Variants in PCBP3 observed in about 807,000 individuals in gnomAD.
PCBP3 encodes poly(rC)-binding protein 3.
Under a neutral mutation model 52.7 loss-of-function variants are expected in PCBP3, and 25 were observed. That is an observed-to-expected ratio of 0.47 (90% CI 0.35 to 0.66). The LOEUF (loss-of-function observed/expected upper bound fraction) is 0.66, where lower values mean the gene tolerates loss of function less well. Among genes scored for constraint, PCBP3 ranks in the 30% least tolerant of loss-of-function variants. The pLI is 0.01. For missense variants in PCBP3, 391 were observed against 490.3 expected (o/e 0.80, Z 1.91); for synonymous variants, 162 against 183.0 (o/e 0.89, Z 0.93).
At chr21:45,668,457 G>T (rs2080949523) in intron 1 of PCBP3, among the ~76,000 whole-genome samples, 1 of 151,902 alleles carries the variant, frequency 6.6e-6, no homozygotes, top group African/African-American at 2.4e-5. Context: ...CAAATAATAA[G>T]ACTTTGAAGG....
At position 45,682,280 on chromosome 21, in the gene PCBP3, G is replaced by A. The variant is rs768912290; in HGVS notation, c.-200+13328G>A. On this transcript the variant is annotated intron_variant, in intron 2 of 17. Transcript: ENST00000681687. ...TATCATGTCATTCCTTGGGTCGCAC[G>A]GTCTCTAGCTGGTCTGCCTTCCTCT... Among the ~76,000 whole-genome samples, 7 of 152,048 alleles carry A rather than the reference G, an allele frequency of 4.6e-5. No homozygotes were observed. The East Asian group carries it at 7.7e-4, about 17-fold the overall frequency.
chr21:45,646,249 G>C (rs1345682965), intron 1 of PCBP3, among the ~76,000 whole-genome samples: 1 of 151,868 alleles, frequency 6.6e-6, no homozygotes, highest in Non-Finnish European at 1.5e-5. Context: ...TATGTTGAAT[G>C]GGAGCGTGTC....
intron 5 of PCBP3, among the ~76,000 whole-genome samples, chr21:45,888,834 C>A (rs1457952951): frequency 6.6e-6 from 1 of 152,196 alleles, no homozygotes; most frequent in African/African-American, 2.4e-5. Flanking sequence ...ACCTTAAACA[C>A]ACGTGGACAG....
rs1350745596 is a variant in PCBP3 at position 45,904,822 on chromosome 21, G to A, written c.339+3709G>A. ...GTGTCTCACCCTCACACCATGTCAC[G>A]ATTGTGCTGGTGACGGATACCTGGC... On this transcript the variant is annotated intron_variant, in intron 9 of 17. Transcript: ENST00000681687. This position sits in a 1 kb window ranked among gnomAD's most constrained non-coding sequence, Gnocchi z 4.8. Among the ~76,000 whole-genome samples, 4 of 152,176 alleles carry A rather than the reference G, an allele frequency of 2.6e-5. No homozygotes were observed. The highest frequency in any genetic ancestry group is 6.5e-5 in the Admixed American group (1 of 15,288).
At chr21:45,916,080 G>A (rs1342546208) in intron 12 of PCBP3, 1 of 152,314 alleles carries the variant, frequency 6.6e-6, no homozygotes, top group Non-Finnish European at 1.5e-5. Context: ...ACATGGTCGT[G>A]AGTTAAATCA....
intron 4 of PCBP3, among the ~76,000 whole-genome samples, chr21:45,844,580 G>T (rs1484260009): frequency 6.6e-6 from 1 of 152,134 alleles, no homozygotes; most frequent in Non-Finnish European, 1.5e-5. Flanking sequence ...TGAGCACTGT[G>T]TGTTGGTGCT....
chr21:45,802,520 C>CT lies in PCBP3; in HGVS notation c.-126+47069dup, dbSNP rs1018297431. Among the ~76,000 whole-genome samples, 16 of 152,278 alleles carry CT rather than the reference C, an allele frequency of 1.1e-4. No homozygotes were observed. The highest frequency in any genetic ancestry group is 3.6e-4 in the African/African-American group (15 of 41,530). On this transcript the variant is annotated intron_variant, in intron 4 of 17. Coordinates refer to ENST00000681687, the MANE Select transcript of PCBP3 (RefSeq NM_001384156.1). The surrounding 1 kb of genome is among the most constrained non-coding windows in gnomAD (Gnocchi z 5.1). The stretch of plus-strand genomic sequence containing the variant: ...CCCAGAGGGCTCTGCAGAGACGGCT[C>CT]TGAGAGCAAAAGTGAGCCATGCTGG...
At chr21:45,663,120 C>T (rs978369335) in intron 1 of PCBP3, among the ~76,000 whole-genome samples, 24 of 151,752 alleles carry the variant, frequency 1.6e-4, no homozygotes, top group South Asian at 2.1e-4. Context: ...AGTGAAAGTA[C>T]TAAAAGTCTC....
chr21:45,693,452 A>G (rs1211894171), intron 2 of PCBP3, among the ~76,000 whole-genome samples: 1 of 152,126 alleles, frequency 6.6e-6, no homozygotes, highest in Admixed American at 6.5e-5. Flanking sequence ...CCATAAAGGA[A>G]CACAAGTAAT....
intron 2 of PCBP3, among the ~76,000 whole-genome samples, chr21:45,721,633 T>G (rs1191633117): frequency 6.6e-6 from 1 of 152,220 alleles, no homozygotes; most frequent in East Asian, 1.9e-4. Flanking sequence ...CTTATCTAAA[T>G]GTATTTGCTT....
At chr21:45,914,127 G>A (rs750296934) in intron 12 of PCBP3, 102 bp downstream of exon 12, 40 of 1,580,004 alleles carry the variant, frequency 2.5e-5, no homozygotes, top group African/African-American at 5.4e-5. Flanking sequence ...GCCTTCTCAC[G>A]TGCACGTCTC....
At chr21:45,708,588 G>C (rs1258199121) in intron 2 of PCBP3, among the ~76,000 whole-genome samples, 2 of 152,186 alleles carry the variant, frequency 1.3e-5, no homozygotes, top group African/African-American at 2.4e-5. Context: ...CAAACTTCAT[G>C]AGATAAAGAA....
chr21:45,778,577 C>T (rs572074288), intron 4 of PCBP3, among the ~76,000 whole-genome samples: 3 of 152,228 alleles, frequency 2.0e-5, no homozygotes, highest in African/African-American at 7.2e-5. Flanking sequence ...GAGGGCCAGT[C>T]GTCAGATCCA....
chr21:45,855,322 G>A (rs116738908), intron 5 of PCBP3, among the ~76,000 whole-genome samples: 1,618 of 152,230 alleles, frequency 0.011, 21 homozygotes, highest in African/African-American at 0.034. Flanking sequence ...GGAAGCCCAC[G>A]GAGAGGGCTG....
In PCBP3 at chr21:45,754,851, T is replaced by A. The variant is rs2087879122; in HGVS notation, c.-161-566T>A. Among the ~76,000 whole-genome samples the A allele has an allele frequency of 2.0e-5, 3 of 152,330 alleles. No homozygotes were observed. The South Asian group carries it at 6.2e-4, about 32-fold the overall frequency. On this transcript the variant is annotated intron_variant, in intron 3 of 17. Transcript: ENST00000681687. ...CAGTTCAAGGAATTTCTATTAAAAT[T>A]TTGGTTACTTTTAAGATTTTCCCTA... is the stretch of plus-strand genomic sequence containing the variant.
chr21:45,918,605 C>T (rs541087104), intron 13 of PCBP3: 9 of 106,616 alleles, frequency 8.4e-5, no homozygotes, highest in East Asian at 5.1e-4. Flanking sequence ...AAGAAGTTAC[C>T]CTCAGATAAA....
At chr21:45,662,551 T>C (rs530826278) in intron 1 of PCBP3, among the ~76,000 whole-genome samples, 2 of 152,072 alleles carry the variant, frequency 1.3e-5, no homozygotes, top group African/African-American at 4.8e-5. Flanking sequence ...TCCAGTATAA[T>C]AAAATATATA....
intron 4 of PCBP3, among the ~76,000 whole-genome samples, chr21:45,782,705 A>T (rs923325042): frequency 6.6e-6 from 1 of 152,258 alleles, no homozygotes; most frequent in African/African-American, 2.4e-5. Flanking sequence ...AAATGAACAA[A>T]TTAAAAAAGC....
intron 16 of PCBP3, 97 bp from the exon 17 acceptor site, chr21:45,939,933 G>A (rs2077279253): frequency 8.9e-7 from 1 of 1,119,226 alleles, no homozygotes; most frequent in Admixed American, 1.9e-5. Context: ...TCCAAGGCTG[G>A]CGGCCCGTCC....
Sources: allele counts gnomAD v4.1 joint callset (sites outside exome capture counted in the v4.1 genomes callset), GRCh38; gene constraint gnomAD v4.1.1; non-coding constraint Gnocchi (gnomAD v3.1); transcripts MANE v1.5; gene names NCBI Gene and HGNC (gene_info 2026-07-23, HGNC 2026-07-21).